The following PTPRQ variants were observed in gnomAD, a reference collection of about 807,000 sequenced individuals.
PTPRQ encodes the protein protein tyrosine phosphatase receptor type Q, also known as phosphatidylinositol phosphatase PTPRQ.
A neutral mutation model predicts 246.0 loss-of-function variants in PTPRQ; 199 were observed. That is an observed-to-expected ratio of 0.81 (90% CI 0.72 to 0.91). The LOEUF is 0.91. PTPRQ is among the 40% of genes least tolerant of loss of function. The pLI is 0.00. For missense variants in PTPRQ, 2,624 were observed against 2,528.4 expected (o/e 1.04, Z -0.81); for synonymous variants, 869 against 853.2 (o/e 1.02, Z -0.32).
chr12:80,605,295 T>G, intron 27 of PTPRQ, 115 bp downstream of exon 27: 1 of 1,310,192 alleles, frequency 7.6e-7, no homozygotes, highest in African/African-American at 1.5e-5. Context: ...GGAAAATTAC[T>G]TTACTTGTTT....
chr12:80,500,763 A>G (rs745690640), intron 14 of PTPRQ, among the ~76,000 whole-genome samples: 1 of 152,032 alleles, frequency 6.6e-6, no homozygotes, highest in Non-Finnish European at 1.5e-5. Context: ...TAGGTAGTGT[A>G]GCTGTAGCAG....
At chr12:80,599,955 T>C (rs1368638762) in intron 26 of PTPRQ, among the ~76,000 whole-genome samples, 1 of 151,762 alleles carries the variant, frequency 6.6e-6, no homozygotes, top group Non-Finnish European at 1.5e-5. Context: ...ACAAAATACA[T>C]TCTGAAGGAA....
chr12:80,647,068 A>G (rs564188161), intron 35 of PTPRQ, among the ~76,000 whole-genome samples: 5 of 152,286 alleles, frequency 3.3e-5, no homozygotes, highest in African/African-American at 4.8e-5. Context: ...CCAGAAACCA[A>G]CATCTACTTT....
intron 14 of PTPRQ, among the ~76,000 whole-genome samples, chr12:80,501,587 A>T (rs2120678899): frequency 6.6e-6 from 1 of 152,106 alleles, no homozygotes. Context: ...AGGGATGAGG[A>T]TAAAGTCATA....
At chr12:80,536,576 T>C (rs1895994588) in intron 19 of PTPRQ, among the ~76,000 whole-genome samples, 1 of 151,398 alleles carries the variant, frequency 6.6e-6, no homozygotes, top group South Asian at 2.1e-4. Context: ...ATAGCTGTAA[T>C]GAAAGACATG....
chr12:80,580,713 A>C (rs1897406967), intron 25 of PTPRQ, among the ~76,000 whole-genome samples: 1 of 152,204 alleles, frequency 6.6e-6, no homozygotes, highest in South Asian at 2.1e-4. Context: ...ATTTGAGTGA[A>C]AATGTGGACT....
chr12:80,521,262 G>C (rs1895474728), intron 17 of PTPRQ, among the ~76,000 whole-genome samples: 1 of 151,932 alleles, frequency 6.6e-6, no homozygotes, highest in Admixed American at 6.6e-5. Flanking sequence ...CTGGATATTA[G>C]CCCTTTGTCA....
At chr12:80,447,361 T>C (rs1017828366) in intron 3 of PTPRQ, among the ~76,000 whole-genome samples, 15 of 152,054 alleles carry the variant, frequency 9.9e-5, no homozygotes, top group African/African-American at 3.6e-4. Flanking sequence ...GTTTACTCTG[T>C]TAATTATTTC....
intron 33 of PTPRQ, among the ~76,000 whole-genome samples, chr12:80,624,795 A>AG (rs1899134775): frequency 6.6e-6 from 1 of 152,190 alleles, no homozygotes; most frequent in Non-Finnish European, 1.5e-5. Context: ...GCTGTAGATC[A>AG]GGGGTGTCCA....
chr12:80,643,763 C>T (rs1295516545), intron 35 of PTPRQ, among the ~76,000 whole-genome samples: 1 of 152,176 alleles, frequency 6.6e-6, no homozygotes, highest in Non-Finnish European at 1.5e-5. Flanking sequence ...ATTTATGTGT[C>T]ATTAGTGACT....
chr12:80,559,015 T>A lies in PTPRQ; in HGVS notation c.4285+9281T>A, dbSNP rs191095553. 1.3e-5 allele frequency among the ~76,000 whole-genome samples: 2 copies of A among 152,278 alleles called. 1 individual carries two copies. The highest frequency in any genetic ancestry group is 1.3e-4 in the Admixed American group (2 of 15,300). On this transcript the variant is annotated intron_variant, in intron 25 of 44. Coordinates refer to ENST00000644991, the MANE Select transcript of PTPRQ (RefSeq NM_001145026.2). ...GTTAGATATATGGTTTGCAAATGAT[T>A]TTTGCCAGGCTGTAGCTTGTCTTTT...
At position 80,616,264 on chromosome 12, in the gene PTPRQ, A is replaced by G; in HGVS notation, c.5228A>G (p.Lys1743Arg). 1 of 1,483,598 alleles carries G rather than the reference A, an allele frequency of 6.7e-7. No homozygotes were observed. The highest frequency in any genetic ancestry group is 9.0e-7 in the Non-Finnish European group (1 of 1,114,860). The allele number at this position is 1,483,598 out of a possible 1,614,324, so 91.9% of individuals were successfully genotyped here. The change falls in exon 30 of 45, where the codon AAA becomes AGA. Residue 1743 changes from lysine to arginine, a missense_variant and splice_region_variant. By Grantham distance (26) the Lys-to-Arg change is conservative (BLOSUM62 2). Coordinates refer to ENST00000644991, the MANE Select transcript of PTPRQ (RefSeq NM_001145026.2). ...CCGATGAGAATAACCATGGATATCA[A>G]AGGTACATACATGAGCTACCTTCCT... ...KVPMRITMDI[K>R]APARPKTKPT...
At chr12:80,494,170 ACT>A (rs1213947264) in intron 10 of PTPRQ, among the ~76,000 whole-genome samples, 1 of 152,060 alleles carries the variant, frequency 6.6e-6, no homozygotes. Context: ...TATTTCACTT[ACT>A]GATCCATTTT....
In PTPRQ at chr12:80,652,811, A is replaced by G; in HGVS notation, c.6092A>G (p.Asn2031Ser). 19 of 1,505,478 alleles carry G rather than the reference A, an allele frequency of 1.3e-5. No individual in the cohort carries two copies. The highest frequency in any genetic ancestry group is 1.7e-5 in the Non-Finnish European group (19 of 1,127,370). 93.3% of individuals were successfully genotyped at this position (1,505,478 alleles called of 1,614,324 possible). A position where few individuals can be genotyped will look rare whatever the true frequency, so the allele number is the denominator to read the frequency against. ...DADLPWNRAK[N>S]RFPNIKPYNN... ...GATCTGCCTTGGAATAGAGCAAAAA[A>G]CCGCTTCCCAAACATAAAACCATGT... The change falls in exon 38 of 45, where the codon AAC (asparagine) becomes AGC (serine). Residue 2031 changes from asparagine (N) to serine (S), a missense_variant. By Grantham distance (46) the Asn-to-Ser change is conservative. Transcript: ENST00000644991.
chr12:80,659,896 C>T (rs1353731676), intron 39 of PTPRQ, among the ~76,000 whole-genome samples: 1 of 151,952 alleles, frequency 6.6e-6, no homozygotes, highest in African/African-American at 2.4e-5. Flanking sequence ...TTGGGGCTGG[C>T]AGTGTACTGT....
chr12:80,594,502 A>G (rs1897904458), intron 26 of PTPRQ, among the ~76,000 whole-genome samples: 1 of 152,142 alleles, frequency 6.6e-6, no homozygotes, highest in South Asian at 2.1e-4. Context: ...GGGTAATTCA[A>G]GACAACATTT....
chr12:80,622,128 A>G lies in PTPRQ; in HGVS notation c.5680A>G (p.Thr1894Ala). 1 of 1,430,312 alleles carries G rather than the reference A, an allele frequency of 7.0e-7. No homozygotes were observed. The highest frequency in any genetic ancestry group is 1.6e-5 in the South Asian group (1 of 64,416). The allele number at this position is 1,430,312 out of a possible 1,614,324, so 88.6% of individuals were successfully genotyped here. Reference sequence around the variant, plus strand: ...CTCTGATTATTCTGACCCTGTTAAGACTTTAGGTAAGACATTTTTGTAATT... The same window carrying G: ...CTCTGATTATTCTGACCCTGTTAAGGCTTTAGGTAAGACATTTTTGTAATT... ...TDSDYSDPVKTLGEGLSERTV... is the reference protein window; with the variant it reads ...TDSDYSDPVKALGEGLSERTV... Residue 1894 changes from threonine to alanine, a missense_variant, in exon 33 of 45, where the codon ACT becomes GCT. Transcript: ENST00000644991.
chr12:80,465,622 T>A (rs1458736268), intron 6 of PTPRQ: 4 of 152,062 alleles, frequency 2.6e-5, no homozygotes, highest in Non-Finnish European at 5.9e-5. Context: ...TACTGGCAAA[T>A]GGAATCCAGC....
intron 35 of PTPRQ, among the ~76,000 whole-genome samples, chr12:80,642,334 T>C (rs1048408737): frequency 6.6e-6 from 1 of 152,192 alleles, no homozygotes; most frequent in Non-Finnish European, 1.5e-5. Flanking sequence ...CCCATCCATC[T>C]CTTCACATAA....
Sources: allele counts gnomAD v4.1 joint callset (sites outside exome capture counted in the v4.1 genomes callset), GRCh38; gene constraint gnomAD v4.1.1; transcripts MANE v1.5; gene names NCBI Gene and HGNC (gene_info 2026-07-23, HGNC 2026-07-21).